Variants in ESRP1 observed in about 807,000 individuals in gnomAD.
ESRP1 encodes the protein epithelial splicing regulatory protein 1, also known as RNA-binding motif protein 35A.
In ESRP1, 33 loss-of-function variants were observed where a neutral mutation model predicts 81.7. The ratio of observed to expected loss-of-function variants is 0.40; its 90% CI spans 0.31 to 0.54. ESRP1 has a LOEUF of 0.54. Among genes scored for constraint, ESRP1 ranks in the 20% least tolerant of loss-of-function variants. The pLI is 0.41. For synonymous variants in ESRP1, 320 were observed against 303.3 expected (o/e 1.06, Z -0.57); for missense variants, 672 against 833.1 (o/e 0.81, Z 2.38).
intron 13 of ESRP1, chr8:94,688,350 T>C (rs1197495423): frequency 7.9e-6 from 2 of 253,600 alleles, no homozygotes; most frequent in Non-Finnish European, 1.5e-5. Flanking sequence ...TGACTGATGA[T>C]GAAGCATGGT....
At chr8:94,678,627 A>AG (rs1808737406) in intron 13 of ESRP1, among the ~76,000 whole-genome samples, 1 of 152,236 alleles carries the variant, frequency 6.6e-6, no homozygotes, top group South Asian at 2.1e-4. Flanking sequence ...CTCCTGTCAT[A>AG]GGACCCCAAG....
intron 1 of ESRP1, 199 bp from the exon 2 acceptor site, chr8:94,641,757 A>T: frequency 1.6e-6 from 1 of 630,918 alleles, no homozygotes; most frequent in Non-Finnish European, 2.2e-6. Flanking sequence ...GTCCACTTCC[A>T]GGGCTTTTCC....
At chr8:94,694,252 A>G (rs775055910) in intron 14 of ESRP1, among the ~76,000 whole-genome samples, 33 of 152,290 alleles carry the variant, frequency 2.2e-4, no homozygotes, top group Non-Finnish European at 3.8e-4. Context: ...TTCACACTGA[A>G]TAGAATTAGG....
At position 94,641,944 on chromosome 8, in the gene ESRP1, C is replaced by T; in HGVS notation, c.133-12C>T. On this transcript the variant is annotated splice_polypyrimidine_tract_variant and intron_variant, in intron 1 of 15. Coordinates refer to ENST00000433389, the MANE Select transcript of ESRP1 (RefSeq NM_017697.4). The stretch of plus-strand genomic sequence containing the variant: ...TTGGGGGAAACTGACCCGTGCTTCT[C>T]TACCTTCGGAGGTGGGACAGTTGCA... 1.2e-6 allele frequency: 2 copies of T among 1,613,444 alleles called. No homozygotes were observed. Among genetic ancestry groups the T allele is most frequent in the Non-Finnish European group, 1.7e-6 (2 of 1,179,514 alleles).
chr8:94,653,406 A>G (rs1316426340), intron 4 of ESRP1, among the ~76,000 whole-genome samples: 1 of 152,194 alleles, frequency 6.6e-6, no homozygotes, highest in East Asian at 1.9e-4. Context: ...AGACTATTGT[A>G]TAAGGATTAA....
intron 6 of ESRP1, 22 bp downstream of exon 6, chr8:94,662,577 A>T (rs781529687): frequency 2.0e-6 from 3 of 1,533,802 alleles, no homozygotes; most frequent in East Asian, 2.3e-5. Context: ...AGTACTATTT[A>T]TTTGAGCTTT....
chr8:94,705,063 T>G (rs1810009339), intron 15 of ESRP1, among the ~76,000 whole-genome samples: 1 of 149,894 alleles, frequency 6.7e-6, no homozygotes, highest in African/African-American at 2.4e-5. Flanking sequence ...GGGGATGAAA[T>G]AAATTTATCC....
At chr8:94,678,495 C>G in intron 13 of ESRP1, 124 bp downstream of exon 13, 1 of 1,105,662 alleles carries the variant, frequency 9.0e-7, no homozygotes, top group Non-Finnish European at 1.3e-6. Flanking sequence ...GCCACAGCCT[C>G]TGGTCATATC....
At chr8:94,684,904 T>C (rs1809075663) in intron 13 of ESRP1, among the ~76,000 whole-genome samples, 1 of 151,900 alleles carries the variant, frequency 6.6e-6, no homozygotes, top group South Asian at 2.1e-4. Flanking sequence ...TGGCACCCAT[T>C]TGTAGTCCCA....
At chr8:94,662,178 ATCT>A (rs1255038373) in intron 4 of ESRP1, 91 bp from the exon 5 acceptor site, 10 of 733,522 alleles carry the variant, frequency 1.4e-5, no homozygotes, top group African/African-American at 1.3e-4. Context: ...AGCTAGATCC[ATCT>A]TCTTCCTCTT....
chr8:94,684,365 G>A (rs926197685), intron 13 of ESRP1, among the ~76,000 whole-genome samples: 1 of 152,186 alleles, frequency 6.6e-6, no homozygotes, highest in Admixed American at 6.5e-5. Context: ...AGCGTCCAGA[G>A]GTAGTCATCA....
chr8:94,665,407 C>G (rs1818969067), intron 9 of ESRP1, among the ~76,000 whole-genome samples: 1 of 152,134 alleles, frequency 6.6e-6, no homozygotes. Context: ...AGCCAACTTA[C>G]TATAGTTAAA....
chr8:94,641,851 C>G, intron 1 of ESRP1, 105 bp from the exon 2 acceptor site: 1 of 1,527,006 alleles, frequency 6.5e-7, no homozygotes, highest in Non-Finnish European at 8.8e-7. Context: ...TGCGTCCGGA[C>G]CCCAAGAGAG....
chr8:94,669,180 C>T (rs908540188), intron 10 of ESRP1, among the ~76,000 whole-genome samples: 12 of 152,252 alleles, frequency 7.9e-5, no homozygotes, highest in African/African-American at 1.9e-4. Context: ...TCAAGCTTTT[C>T]GACTGTTCTT....
At chr8:94,691,551 A>C (rs1407760773) in intron 13 of ESRP1, among the ~76,000 whole-genome samples, 1 of 152,224 alleles carries the variant, frequency 6.6e-6, no homozygotes, top group African/African-American at 2.4e-5. Context: ...ATCACCCCCC[A>C]GTAAGCAAAT....
chr8:94,704,709 T>C (rs1250469445), intron 15 of ESRP1, among the ~76,000 whole-genome samples: 1 of 142,890 alleles, frequency 7.0e-6, no homozygotes, highest in Non-Finnish European at 1.5e-5. Context: ...AGCAACGAGC[T>C]CTGATCTCAC....
chr8:94,650,204 A>G (rs1818052705), intron 4 of ESRP1, among the ~76,000 whole-genome samples: 1 of 151,966 alleles, frequency 6.6e-6, no homozygotes, highest in South Asian at 2.1e-4. Flanking sequence ...TCTATCTACC[A>G]TTGTGGTATC....
At chr8:94,644,959 CT>C (rs1263244028) in intron 3 of ESRP1, among the ~76,000 whole-genome samples, 5 of 152,104 alleles carry the variant, frequency 3.3e-5, no homozygotes, top group Non-Finnish European at 7.4e-5. Flanking sequence ...CGGCGTAAGC[CT>C]TTTAGCCTAC....
chr8:94,648,554 G>A (rs1467859816), intron 4 of ESRP1, among the ~76,000 whole-genome samples: 5 of 152,212 alleles, frequency 3.3e-5, no homozygotes, highest in Non-Finnish European at 7.3e-5. Flanking sequence ...CGTTCTTTCA[G>A]AGCATTAAAC....
Sources: allele counts gnomAD v4.1 joint callset (sites outside exome capture counted in the v4.1 genomes callset), GRCh38; gene constraint gnomAD v4.1.1; transcripts MANE v1.5; gene names NCBI Gene and HGNC (gene_info 2026-07-23, HGNC 2026-07-21).